CNOT10: variants seen among roughly 807,000 people sequenced by gnomAD.
CNOT10 encodes CCR4-NOT transcription complex, subunit 10.
Under a neutral mutation model 94.6 loss-of-function variants are expected in CNOT10, and 30 were observed. The observed-to-expected ratio is 0.32, with a 90% CI of 0.24 to 0.43. The LOEUF (loss-of-function observed/expected upper bound fraction) is 0.43. Among genes scored for constraint, CNOT10 ranks in the 20% least tolerant of loss-of-function variants. CNOT10 has a pLI of 1.00. For synonymous variants in CNOT10, 289 were observed against 301.6 expected (o/e 0.96, Z 0.43); for missense variants, 759 against 877.2 (o/e 0.87, Z 1.70).
rs529165538 is a variant in CNOT10, at chr3:32,708,731, A to G, written c.341A>G (p.Tyr114Cys). ...GATGTTGAAAACAGCATGTTGTACT[A>G]TAATCAAGCAGTCATTCTTTATCAT... ...LDDVENSMLYYNQAVILYHLR... is the reference protein window; with the variant it reads ...LDDVENSMLYCNQAVILYHLR... The change falls in exon 4 of 19, where the codon TAT becomes TGT. Residue 114 changes from tyrosine (Y) to cysteine (C), a missense_variant. Coordinates refer to ENST00000328834, the MANE Select transcript of CNOT10 (RefSeq NM_015442.3). 11 of 1,613,538 alleles carry G rather than the reference A, an allele frequency of 6.8e-6. No homozygotes were observed. Among genetic ancestry groups the G allele is most frequent in the Admixed American group, 1.7e-5 (1 of 59,914 alleles).
intron 8 of CNOT10, among the ~76,000 whole-genome samples, chr3:32,724,202 A>G (rs1698547443): frequency 6.6e-6 from 1 of 151,512 alleles, no homozygotes; most frequent in Non-Finnish European, 1.5e-5. Context: ...AATTAAAATC[A>G]GTGGAGACTT....
chr3:32,711,757 A>G lies in CNOT10; in HGVS notation c.431-1470A>G, dbSNP rs183236915. Among the ~76,000 whole-genome samples, 7 of 152,328 alleles carry G rather than the reference A, an allele frequency of 4.6e-5. No homozygotes were observed. In the East Asian group the frequency reaches 1.2e-3, roughly 25 times the overall value. ...TGAGAGGCTGTGTTTGGTGAGAGCA[A>G]TAGCAGCAAGATCATTGTGACTGGA... On this transcript the variant is annotated intron_variant, in intron 4 of 18. Coordinates refer to ENST00000328834, the MANE Select transcript of CNOT10 (RefSeq NM_015442.3).
chr3:32,687,805 A>AT (rs368605565), intron 1 of CNOT10: 1 of 151,516 alleles, frequency 6.6e-6, no homozygotes. Flanking sequence ...TTCCAGCTGG[A>AT]TTTCTGTATC....
intron 10 of CNOT10, among the ~76,000 whole-genome samples, chr3:32,731,737 A>C (rs1363977896): frequency 6.6e-6 from 1 of 151,990 alleles, no homozygotes; most frequent in Non-Finnish European, 1.5e-5. Flanking sequence ...TCAGCCTCCC[A>C]AAGTTCTAGG....
At chr3:32,772,939 C>T (rs965363076) in intron 18 of CNOT10, among the ~76,000 whole-genome samples, 4 of 152,158 alleles carry the variant, frequency 2.6e-5, no homozygotes, top group Admixed American at 2.6e-4. Context: ...GATCTTGGCT[C>T]ACTGCAGCCT....
At chr3:32,718,515 C>T (rs1482861007) in intron 7 of CNOT10, among the ~76,000 whole-genome samples, 4 of 127,436 alleles carry the variant, frequency 3.1e-5, no homozygotes, top group South Asian at 2.6e-4. Flanking sequence ...ACCCGGGAGG[C>T]GGATCTTGCT....
chr3:32,746,987 G>A (rs1337946074), intron 13 of CNOT10, among the ~76,000 whole-genome samples: 1 of 152,086 alleles, frequency 6.6e-6, no homozygotes, highest in African/African-American at 2.4e-5. Context: ...TGTGGTGGCA[G>A]GCACCTGTAA....
chr3:32,689,322 C>T (rs1202141971), intron 1 of CNOT10, among the ~76,000 whole-genome samples: 1 of 146,388 alleles, frequency 6.8e-6, no homozygotes, highest in Non-Finnish European at 1.5e-5. Context: ...CATTGCCCTC[C>T]AGCCTGGGCA....
chr3:32,716,964 C>T (rs1427128446), intron 6 of CNOT10, among the ~76,000 whole-genome samples, 190 bp from the exon 7 acceptor site: 2 of 151,956 alleles, frequency 1.3e-5, no homozygotes, highest in East Asian at 1.9e-4. Context: ...TTTATTCTAC[C>T]GTGATTTTAG....
rs1553627012 is a variant in CNOT10, at chr3:32,687,454, T to TTTTTTTTTTTTTG, written c.22+1984_22+1985insGTTTTTTTTTTTT. 9.4e-3 allele frequency among the ~76,000 whole-genome samples: 431 copies of TTTTTTTTTTTTTG among 45,758 alleles called. 39 individuals are homozygous for TTTTTTTTTTTTTG. Among genetic ancestry groups the TTTTTTTTTTTTTG allele is most frequent in the Non-Finnish European group, 0.012 (307 of 25,994 alleles). The allele number at this position is 45,758 out of a possible 152,430, so 30.0% of individuals were successfully genotyped here. ...AGTCCTCACGGTTTTTTTTTTTTGT[T>TTTTTTTTTTTTTG]TTTTTTTTTTTTTTTGAGACGGAGT... On this transcript the variant is annotated intron_variant, in intron 1 of 18. Coordinates refer to ENST00000328834, the MANE Select transcript of CNOT10 (RefSeq NM_015442.3).
chr3:32,748,186 G>A (rs1473493052), intron 13 of CNOT10, among the ~76,000 whole-genome samples: 1 of 152,150 alleles, frequency 6.6e-6, no homozygotes, highest in Non-Finnish European at 1.5e-5. Context: ...CTCTTGAACA[G>A]AGCTGCTCTA....
At chr3:32,743,384 C>T (rs761432630) in intron 13 of CNOT10, among the ~76,000 whole-genome samples, 1 of 152,042 alleles carries the variant, frequency 6.6e-6, no homozygotes, top group African/African-American at 2.4e-5. Context: ...AATCCCAGCA[C>T]TTTGGGAGGC....
chr3:32,685,262 G>T lies in CNOT10; in HGVS notation c.-199G>T. ...GTGGCGGTCCCTTGGTGGGGAAGCTGTTGCTGTTGCTAGACGACGGGAACT... is the reference window on the plus strand; with the variant it reads ...GTGGCGGTCCCTTGGTGGGGAAGCTTTTGCTGTTGCTAGACGACGGGAACT... On this transcript the variant is annotated 5_prime_UTR_variant, in exon 1 of 19. Transcript: ENST00000328834. The T allele has an allele frequency of 1.8e-6, 1 of 566,302 alleles. No individual in the cohort carries two copies. The highest frequency in any genetic ancestry group is 3.1e-5 in the East Asian group (1 of 31,848). The allele number at this position is 566,302 out of a possible 1,614,324, so 35.1% of individuals were successfully genotyped here.
chr3:32,695,966 AGAGTGTGTGTGTGTGT>A (rs377298339), intron 1 of CNOT10: 9,907 of 614,242 alleles, frequency 0.016, 125 homozygotes, highest in Middle Eastern at 0.042. Context: ...CCTGTTGAAG[AGAGTGTGTGTGTGTGT>A]GTGTGTGTGT....
rs1242169043 is a variant in CNOT10, at chr3:32,756,991, A to G, written c.1596-2467A>G. On this transcript the variant is annotated intron_variant, in intron 13 of 18. Coordinates refer to ENST00000328834, the MANE Select transcript of CNOT10 (RefSeq NM_015442.3). ...CATGGTGGCGGGCACCTGTAATCCC[A>G]GCTACTTGGGAGGCTGAGGCAGGAG... Among the ~76,000 whole-genome samples the G allele has an allele frequency of 3.3e-5, 5 of 151,618 alleles. No individual in the cohort carries two copies. The East Asian group carries it at 7.9e-4, about 24-fold the overall frequency.
intron 6 of CNOT10, among the ~76,000 whole-genome samples, chr3:32,716,587 C>T (rs1157522703): frequency 1.3e-5 from 2 of 152,132 alleles, no homozygotes; most frequent in Non-Finnish European, 2.9e-5. Flanking sequence ...TTTAAAAAGT[C>T]ATTGTTAGCC....
chr3:32,735,668 C>T (rs1267849167), intron 12 of CNOT10, among the ~76,000 whole-genome samples: 1 of 152,196 alleles, frequency 6.6e-6, no homozygotes, highest in African/African-American at 2.4e-5. Flanking sequence ...GATCATGCCA[C>T]TGCACTCCAT....
chr3:32,764,374 C>T, intron 15 of CNOT10, 81 bp from the exon 16 acceptor site: 1 of 1,369,938 alleles, frequency 7.3e-7, no homozygotes, highest in South Asian at 1.3e-5. Flanking sequence ...AATATGCCCT[C>T]TACCTTCTGA....
At chr3:32,716,065 C>G (rs1305251195) in intron 5 of CNOT10, 160 bp from the exon 6 acceptor site, 3 of 458,412 alleles carry the variant, frequency 6.5e-6, no homozygotes, top group African/African-American at 6.1e-5. Flanking sequence ...CCTCTGCCTT[C>G]CAAAGTTCTG....
Sources: gnomAD v4.1 joint callset for allele counts (sites outside exome capture counted in the v4.1 genomes callset) on GRCh38, gnomAD v4.1.1 for gene constraint, MANE v1.5 for transcripts, NCBI Gene and HGNC (gene_info 2026-07-23, HGNC 2026-07-21) for gene names.